The following SLITRK3 variants were observed in gnomAD, a reference collection of about 807,000 sequenced individuals.
The protein encoded by SLITRK3 is SLIT and NTRK like family member 3.
Under a neutral mutation model 63.6 loss-of-function variants are expected in SLITRK3, and 16 were observed. That is an observed-to-expected ratio of 0.25 (90% confidence interval 0.17 to 0.38). The LOEUF is 0.38. SLITRK3 is among the 10% of genes least tolerant of loss of function. SLITRK3 has a pLI of 1.00. For synonymous variants in SLITRK3, 547 were observed against 451.6 expected (o/e 1.21, Z -2.68); for missense variants, 1,117 against 1,181.4 (o/e 0.95, Z 0.80).
chr3:165,188,763 T>TTC lies in SLITRK3; in HGVS notation c.2066_2067dup (p.Ser690GlufsTer104). ...AGGTCCACACCTTCCTGCCGCTTGC[T>TTC]TCTGAAGGGCAGCTTCTTTCGACGC... On this transcript the variant is annotated frameshift_variant, in exon 2 of 2. Coordinates refer to ENST00000475390, the MANE Select transcript of SLITRK3 (RefSeq NM_001318810.2). LOFTEE classifies it high-confidence loss of function. 6.2e-7 allele frequency: 1 copy of TTC among 1,614,202 alleles called. No homozygotes were observed. Among genetic ancestry groups the TTC allele is most frequent in the Non-Finnish European group, 8.5e-7 (1 of 1,180,040 alleles).
chr3:165,188,337 T>C lies in SLITRK3; in HGVS notation c.2494A>G (p.Thr832Ala). 1.2e-6 allele frequency: 2 copies of C among 1,614,042 alleles called. No homozygotes were observed. The highest frequency in any genetic ancestry group is 1.7e-6 in the Non-Finnish European group (2 of 1,180,002). Residue 832 changes from threonine (T) to alanine (A), a missense_variant, in exon 2 of 2, where the codon ACG becomes GCG. Coordinates refer to ENST00000475390, the MANE Select transcript of SLITRK3 (RefSeq NM_001318810.2). ...TGGTGAGGGTGATGGTGATTCACCG[T>C]CACTATGGTGTTAAGCTGGGAGCTG... ...VSSSQLNTIVTVNHHHPHHPA... is the reference protein window; with the variant it reads ...VSSSQLNTIVAVNHHHPHHPA...
At position 165,195,781 on chromosome 3, in the gene SLITRK3, A is replaced by T. The variant is rs535355714; in HGVS notation, c.-223T>A. The T allele has an allele frequency of 9.8e-5, 15 of 152,756 alleles. No individual in the cohort carries two copies. Among genetic ancestry groups the T allele is most frequent in the African/African-American group, 2.9e-4 (12 of 41,578 alleles). 9.5% of individuals were successfully genotyped at this position (152,756 alleles called of 1,614,324 possible). On this transcript the variant is annotated 5_prime_UTR_variant, in exon 1 of 2. Transcript: ENST00000475390. The stretch of plus-strand genomic sequence containing the variant: ...GTTTCCACCTTTGAGACTTGCAGGG[A>T]AATGGTCGCTGCATACCAATGGGAG...
chr3:165,188,023 G>C lies in SLITRK3; in HGVS notation c.2808C>G (p.Leu936=). The C allele has an allele frequency of 6.2e-7, 1 of 1,614,046 alleles. No individual in the cohort carries two copies. The highest frequency in any genetic ancestry group is 1.7e-5 in the Admixed American group (1 of 60,004). The stretch of plus-strand genomic sequence containing the variant: ...CTGTGAAGCCCTTTCCAGCCGAGAA[G>C]AGAAGGGTTTCTTTGAGCCTGGCAT... ...QQDARLKETL[L]FSAGKGFTDH... is the part of the protein sequence containing the mutation. The change falls in exon 2 of 2, where the codon CTC becomes CTG. Residue 936 remains leucine (L), a synonymous_variant. Coordinates refer to ENST00000475390, the MANE Select transcript of SLITRK3 (RefSeq NM_001318810.2).
Position 165,189,316 on chromosome 3 carries a change from G to A in SLITRK3, c.1515C>T (p.Asn505=). The A allele has an allele frequency of 6.2e-7, 1 of 1,614,218 alleles. No homozygotes were observed. Among genetic ancestry groups the A allele is most frequent in the Non-Finnish European group, 8.5e-7 (1 of 1,180,042 alleles). ...TATTATTGAGGAATAGCAGCTTCAA[G>A]TTGGGCATGAGGCTGAAGGCTGCAG... is the stretch of plus-strand genomic sequence containing the variant. The part of the protein sequence containing the change: ...IQPAAFSLMP[N]LKLLFLNNNL... Residue 505 remains asparagine, a synonymous_variant, in exon 2 of 2, where the codon AAC becomes AAT. Transcript: ENST00000475390. This position sits in a 1 kb window ranked among gnomAD's most constrained non-coding sequence, Gnocchi z 4.0.
chr3:165,189,209 T>C lies in SLITRK3; in HGVS notation c.1622A>G (p.Tyr541Cys). The C allele has an allele frequency of 6.2e-7, 1 of 1,614,174 alleles. No individual in the cohort carries two copies. The highest frequency in any genetic ancestry group is 8.5e-7 in the Non-Finnish European group (1 of 1,180,022). Residue 541 changes from tyrosine to cysteine, a missense_variant, in exon 2 of 2, where the codon TAT becomes TGT. Tyr to Cys is a radical substitution (Grantham distance 194). Transcript: ENST00000475390. The surrounding 1 kb of genome is among the most constrained non-coding windows in gnomAD (Gnocchi z 4.0). ...TTCCAGGACACCAGCCACGGGAAGATAGAGGAAGTAGTTCTTCCTCAGGTT... is the reference window on the plus strand; with the variant it reads ...TTCCAGGACACCAGCCACGGGAAGACAGAGGAAGTAGTTCTTCCTCAGGTT... The part of the protein sequence containing the change: ...RLNLRKNYFL[Y>C]LPVAGVLEHL...
rs1718158358 is a variant in SLITRK3 at position 165,190,220 on chromosome 3, C to T, written c.611G>A (p.Arg204His). 2 of 1,614,150 alleles carry T rather than the reference C, an allele frequency of 1.2e-6. No individual in the cohort carries two copies. The highest frequency in any genetic ancestry group is 1.7e-6 in the Non-Finnish European group (2 of 1,180,026). The change falls in exon 2 of 2, where the codon CGT (arginine) becomes CAT (histidine). Residue 204 changes from arginine (R) to histidine (H), a missense_variant. By Grantham distance (29) the Arg-to-His change is conservative (BLOSUM62 0). Transcript: ENST00000475390. ...KAVSLTHLDLRGNRLKVLFYR... is the reference protein window; with the variant it reads ...KAVSLTHLDLHGNRLKVLFYR... ...AAAAAGAACCTTTAACCTATTTCCA[C>T]GTAGGTCCAAATGGGTTAAAGAGAC...
In SLITRK3 at chr3:165,190,173, T is replaced by C. The variant is rs755502979; in HGVS notation, c.658A>G (p.Ile220Val). ...VLFYRGMLDH[I>V]GRSLMELQLE... ...TGGAGCTCCATCAGGCTTCTGCCAA[T>C]GTGATCTAGCATTCCTCGGTAAAAA... is the stretch of plus-strand genomic sequence containing the variant. The change falls in exon 2 of 2, where the codon ATT (isoleucine) becomes GTT (valine). Residue 220 changes from isoleucine (I) to valine (V), a missense_variant. Ile to Val is a conservative substitution (Grantham distance 29, BLOSUM62 3). Around this residue, in one of 4 missense-constraint regions of SLITRK3, gnomAD observed 452 missense variants for 495.3 expected, o/e 0.91. Coordinates refer to ENST00000475390, the MANE Select transcript of SLITRK3 (RefSeq NM_001318810.2). 9 of 1,614,218 alleles carry C rather than the reference T, an allele frequency of 5.6e-6. No homozygotes were observed. The South Asian group carries it at 8.8e-5, about 16-fold the overall frequency.
chr3:165,187,813 G>T lies in SLITRK3; in HGVS notation c.*84C>A. 8.6e-7 allele frequency: 1 copy of T among 1,158,228 alleles called. No individual in the cohort carries two copies. Among genetic ancestry groups the T allele is most frequent in the Non-Finnish European group, 1.2e-6 (1 of 812,772 alleles). 71.7% of individuals were successfully genotyped at this position (1,158,228 alleles called of 1,614,324 possible). ...CGTGAGGATGGAGTTACTGGGACAA[G>T]TGTAAAGGGAGCAAGGGATATATTT... On this transcript the variant is annotated 3_prime_UTR_variant, in exon 2 of 2. Transcript: ENST00000475390.
intron 1 of SLITRK3, among the ~76,000 whole-genome samples, chr3:165,191,185 T>G (rs1718212830): frequency 1.3e-5 from 2 of 152,236 alleles, no homozygotes; most frequent in South Asian, 2.1e-4. Context: ...ATAGGCAGAT[T>G]CAGTAATAAT....
At chr3:165,194,976 G>A (rs555258230) in intron 1 of SLITRK3, among the ~76,000 whole-genome samples, 1 of 152,186 alleles carries the variant, frequency 6.6e-6, no homozygotes, top group Non-Finnish European at 1.5e-5. Context: ...CCATTTGTTT[G>A]TCCAGAGGGA....
Position 165,188,229 on chromosome 3 carries a change from C to T in SLITRK3, c.2602G>A (p.Gly868Arg). 1.9e-6 allele frequency: 3 copies of T among 1,613,592 alleles called. No individual in the cohort carries two copies. The highest frequency in any genetic ancestry group is 2.5e-6 in the Non-Finnish European group (3 of 1,179,890). The stretch of plus-strand genomic sequence containing the variant: ...CCCCCAGGAGGAAACAGCACCACCC[C>T]ACCATTTTTCTCATGGTGGCGGAAC... ...AGFRHHEKNG[G>R]VVLFPPGGGC... Residue 868 changes from glycine to arginine, a missense_variant, in exon 2 of 2, where the codon GGG (glycine) becomes AGG (arginine). Physicochemically the swap from Gly to Arg is moderately radical, Grantham distance 125. Coordinates refer to ENST00000475390, the MANE Select transcript of SLITRK3 (RefSeq NM_001318810.2).
intron 1 of SLITRK3, among the ~76,000 whole-genome samples, chr3:165,191,488 G>C (rs1377864519): frequency 6.6e-6 from 1 of 152,136 alleles, no homozygotes; most frequent in African/African-American, 2.4e-5. Flanking sequence ...ACAGTGTATA[G>C]TCAGTATGTA....
chr3:165,192,543 T>C (rs986932857), intron 1 of SLITRK3, among the ~76,000 whole-genome samples: 1 of 151,874 alleles, frequency 6.6e-6, no homozygotes, highest in Non-Finnish European at 1.5e-5. Flanking sequence ...TGTAATTTAT[T>C]TATTTATTTA....
rs1718047816 is a variant in SLITRK3 at position 165,188,435 on chromosome 3, T to C, written c.2396A>G (p.Glu799Gly). The C allele has an allele frequency of 6.2e-7, 1 of 1,613,932 alleles. No individual in the cohort carries two copies. The highest frequency in any genetic ancestry group is 8.5e-7 in the Non-Finnish European group (1 of 1,179,970). Residue 799 changes from glutamate to glycine, a missense_variant, in exon 2 of 2, where the codon GAG becomes GGG. Transcript: ENST00000475390. ...GTTACTATGGTTCTCCTTGGGTGTC[T>C]CAGCAAACTGCTCACTTCCTAGGAG... ...EALLGSEQFA[E>G]TPKENHSNYR...
In SLITRK3 at chr3:165,188,098, C is replaced by T; in HGVS notation, c.2733G>A (p.Lys911=). The T allele has an allele frequency of 6.2e-7, 1 of 1,613,634 alleles. No homozygotes were observed. Among genetic ancestry groups the T allele is most frequent in the Middle Eastern group, 1.7e-4 (1 of 6,060 alleles). ...DCLYGTVPKL[K]ELHVHPPGMQ... is the part of the protein sequence containing the mutation. Reference sequence around the variant, plus strand: ...TGCCAGGAGGGTGCACGTGCAGTTCCTTTAATTTGGGCACTGTTCCATAGA... The same window carrying T: ...TGCCAGGAGGGTGCACGTGCAGTTCTTTTAATTTGGGCACTGTTCCATAGA... Residue 911 remains lysine (K), a synonymous_variant, in exon 2 of 2, where the codon AAG becomes AAA. Transcript: ENST00000475390.
Position 165,188,978 on chromosome 3 carries a change from G to T in SLITRK3, c.1853C>A (p.Ala618Glu). 1 of 1,614,190 alleles carries T rather than the reference G, an allele frequency of 6.2e-7. No homozygotes were observed. Among genetic ancestry groups the T allele is most frequent in the Non-Finnish European group, 8.5e-7 (1 of 1,180,028 alleles). ...EVLCPEMLHV[A>E]PAGESPAQPG... ...CTGGGCTGGGGATTCTCCAGCTGGT[G>T]CAACGTGCAGCATCTCTGGGCAAAG... Residue 618 changes from alanine to glutamate, a missense_variant, in exon 2 of 2, where the codon GCA becomes GAA. Ala to Glu is a moderately radical substitution (Grantham distance 107). Around this residue, in one of 4 missense-constraint regions of SLITRK3, gnomAD observed 499 missense variants for 463.6 expected, o/e 1.08. Coordinates refer to ENST00000475390, the MANE Select transcript of SLITRK3 (RefSeq NM_001318810.2).
rs1268513975 is a variant in SLITRK3 at position 165,190,793 on chromosome 3, C to T, written c.38G>A (p.Arg13Lys). The change falls in exon 2 of 2, where the codon AGG becomes AAG. Residue 13 changes from arginine (R) to lysine (K), a missense_variant. Arg to Lys is a conservative substitution (Grantham distance 26, BLOSUM62 2). Around this residue, in one of 4 missense-constraint regions of SLITRK3, gnomAD observed 452 missense variants for 495.3 expected, o/e 0.91. Coordinates refer to ENST00000475390, the MANE Select transcript of SLITRK3 (RefSeq NM_001318810.2). The stretch of plus-strand genomic sequence containing the variant: ...GCTTAGAAGAATTATCCACAACATC[C>T]TTCCTCTGTGAAGCATCTCAGCTAT... ...PSIAEMLHRG[R>K]MLWIILLSTI... 1 of 1,606,952 alleles carries T rather than the reference C, an allele frequency of 6.2e-7. No individual in the cohort carries two copies.
chr3:165,191,348 T>C lies in SLITRK3; in HGVS notation c.-21-497A>G, dbSNP rs938688445. The stretch of plus-strand genomic sequence containing the variant: ...TAAAAAGACATGATATACTCCAAAA[T>C]TATTATATTGATTAGTGTGATAAAG... On this transcript the variant is annotated intron_variant, in intron 1 of 1. Transcript: ENST00000475390. Among the ~76,000 whole-genome samples the C allele has an allele frequency of 2.6e-5, 4 of 152,316 alleles. 1 individual carries two copies. The highest frequency in any genetic ancestry group is 3.9e-4 in the East Asian group (2 of 5,186).
intron 1 of SLITRK3, among the ~76,000 whole-genome samples, chr3:165,195,154 T>G (rs1031992737): frequency 1.8e-4 from 28 of 152,222 alleles, no homozygotes; most frequent in Admixed American, 2.6e-4. Flanking sequence ...ATTCATTTTC[T>G]GAAGAGCTTT....
Sources: gnomAD v4.1 joint callset for allele counts (sites outside exome capture counted in the v4.1 genomes callset) on GRCh38, gnomAD v4.1.1 for gene constraint, gnomAD v4.1.1 regional missense constraint, Gnocchi (gnomAD v3.1) non-coding constraint, MANE v1.5 for transcripts, NCBI Gene and HGNC (gene_info 2026-07-23, HGNC 2026-07-21) for gene names.